The following CCDC171 variants were observed in gnomAD, a reference collection of about 807,000 sequenced individuals.
CCDC171 encodes coiled-coil domain-containing protein 171.
Under a neutral mutation model 168.2 loss-of-function variants are expected in CCDC171, and 177 were observed. That is an observed-to-expected ratio of 1.05 (90% CI 0.93 to 1.19). The LOEUF (loss-of-function observed/expected upper bound fraction) is 1.19. Ranked by LOEUF, CCDC171 falls within the 50% of genes most tolerant of loss-of-function variation. The pLI is 0.00. For missense variants in CCDC171, 1,991 were observed against 1,539.0 expected (o/e 1.29, Z -4.91); for synonymous variants, 687 against 540.8 (o/e 1.27, Z -3.75).
intron 2 of CCDC171, among the ~76,000 whole-genome samples, chr9:15,568,395 G>A (rs868051802): frequency 5.9e-5 from 9 of 151,404 alleles, no homozygotes; most frequent in East Asian, 5.9e-4. Flanking sequence ...CTCAGCCTCC[G>A]GAGTAGCTGG....
intron 21 of CCDC171, among the ~76,000 whole-genome samples, chr9:15,794,464 C>G (rs1437649284): frequency 6.6e-6 from 1 of 150,580 alleles, no homozygotes; most frequent in Non-Finnish European, 1.5e-5. Flanking sequence ...ACTCTGTCCC[C>G]GCCCCCACCC....
At chr9:16,084,803 G>A in the CCDC171 span, among the ~76,000 whole-genome samples, 3 of 152,282 alleles carry the variant, frequency 2.0e-5, no homozygotes, top group East Asian at 5.8e-4. Context: ...TGGAAAAACT[G>A]AGGTGGGAGA....
intron 21 of CCDC171, among the ~76,000 whole-genome samples, chr9:15,805,451 C>G (rs1484988239): frequency 6.6e-6 from 1 of 152,070 alleles, no homozygotes; most frequent in Admixed American, 6.6e-5. Flanking sequence ...TATCTTTGTT[C>G]TCATTAGTTT....
At chr9:16,078,470 A>C in the CCDC171 span, among the ~76,000 whole-genome samples, 1 of 152,198 alleles carries the variant, frequency 6.6e-6, no homozygotes, top group Non-Finnish European at 1.5e-5. Flanking sequence ...GAGCACTTTT[A>C]TGGACATGGC....
intron 24 of CCDC171, among the ~76,000 whole-genome samples, chr9:15,877,491 A>T (rs368372401): frequency 1.1e-3 from 163 of 152,150 alleles, no homozygotes; most frequent in South Asian, 0.011. Flanking sequence ...CAAAAACTTT[A>T]AATAATTTTG....
chr9:16,009,159 A>G (rs1221005057), intron 3 of CCDC171, among the ~76,000 whole-genome samples: 1 of 152,166 alleles, frequency 6.6e-6, no homozygotes, highest in African/African-American at 2.4e-5. Context: ...TCTCTGCTGC[A>G]GAAAATGGAA....
In CCDC171 at chr9:15,826,981, GA is replaced by G. The variant is rs1401089380; in HGVS notation, c.3268-19714del. The stretch of plus-strand genomic sequence containing the variant: ...TTGATCATTCACATTTAAGAATGAA[GA>G]AAAAAATGCTAACTAGGAGCTCTTT... On this transcript the variant is annotated intron_variant, in intron 21 of 25. Coordinates refer to ENST00000380701, the MANE Select transcript of CCDC171 (RefSeq NM_173550.4). 3.9e-5 allele frequency among the ~76,000 whole-genome samples: 6 copies of G among 152,132 alleles called. No homozygotes were observed. In the South Asian group the frequency reaches 1.2e-3, roughly 31 times the overall value.
chr9:15,859,557 C>G (rs1304070596), intron 23 of CCDC171, among the ~76,000 whole-genome samples: 2 of 151,842 alleles, frequency 1.3e-5, no homozygotes, highest in Non-Finnish European at 2.9e-5. Context: ...CTGAGTCAAT[C>G]TCCTTACTAT....
intron 7 of CCDC171, among the ~76,000 whole-genome samples, chr9:15,640,301 G>A (rs1302137108): frequency 6.6e-6 from 1 of 151,878 alleles, no homozygotes; most frequent in African/African-American, 2.4e-5. Flanking sequence ...GGCAGTTCCC[G>A]TGTTCTGAGT....
At chr9:15,893,772 A>G (rs2794645) in intron 24 of CCDC171, among the ~76,000 whole-genome samples, 62,308 of 152,012 alleles carry the variant, frequency 0.41, 12,933 homozygotes, top group Admixed American at 0.44. Flanking sequence ...TTAAAAAGTC[A>G]AAAAACACAG....
chr9:15,955,232 T>C (rs1417429678), intron 25 of CCDC171, among the ~76,000 whole-genome samples: 1 of 152,142 alleles, frequency 6.6e-6, no homozygotes, highest in Non-Finnish European at 1.5e-5. Context: ...TCCTCACATA[T>C]GTAGTTGCTT....
intron 24 of CCDC171, among the ~76,000 whole-genome samples, chr9:15,912,170 C>T (rs1823760473): frequency 6.6e-6 from 1 of 152,144 alleles, no homozygotes; most frequent in Admixed American, 6.5e-5. Flanking sequence ...ATTGATTCTT[C>T]CTATTCATGA....
chr9:16,005,111 A>G (rs1280068993), intron 3 of CCDC171, among the ~76,000 whole-genome samples: 1 of 152,208 alleles, frequency 6.6e-6, no homozygotes, highest in East Asian at 1.9e-4. Context: ...ACCAAAGCCA[A>G]TTTTAGAACT....
chr9:15,731,982 C>A (rs1395627010), intron 16 of CCDC171, among the ~76,000 whole-genome samples: 2 of 151,956 alleles, frequency 1.3e-5, no homozygotes, highest in Non-Finnish European at 2.9e-5. Context: ...ATTGGCTATT[C>A]ACATATCTTC....
At chr9:15,777,464 G>A (rs1373492421) in intron 18 of CCDC171, 136 bp from the exon 19 acceptor site, 18 of 540,726 alleles carry the variant, frequency 3.3e-5, no homozygotes, top group Non-Finnish European at 5.4e-5. Flanking sequence ...ATGTGGGAAG[G>A]ACCTTTTTGA....
chr9:15,644,990 C>A (rs545395607), intron 7 of CCDC171, among the ~76,000 whole-genome samples: 3 of 152,330 alleles, frequency 2.0e-5, no homozygotes, highest in Admixed American at 6.5e-5. Context: ...GGAGGCATCC[C>A]CTAGTAGGGG....
At chr9:15,727,443 C>T (rs1230028481) in intron 14 of CCDC171, among the ~76,000 whole-genome samples, 1 of 152,028 alleles carries the variant, frequency 6.6e-6, no homozygotes, top group Admixed American at 6.6e-5. Context: ...TGTTTTTTGA[C>T]AAGTAGTATC....
chr9:16,003,174 G>C lies in CCDC171; in HGVS notation n.369-17415G>C, dbSNP rs372680190. Among the ~76,000 whole-genome samples, 16 of 152,276 alleles carry C rather than the reference G, an allele frequency of 1.1e-4. No homozygotes were observed. The East Asian group carries it at 1.9e-3, about 18-fold the overall frequency. The stretch of plus-strand genomic sequence containing the variant: ...AACATCCCAACTTCCCACATCCAGA[G>C]TTCTAGTCCTGTCTCTGTCATTACT... On this transcript the variant is annotated intron_variant and non_coding_transcript_variant, in intron 3 of 9. Transcript: ENST00000486641.
chr9:16,088,028 T>C, the CCDC171 span, among the ~76,000 whole-genome samples: 1 of 152,162 alleles, frequency 6.6e-6, no homozygotes, highest in African/African-American at 2.4e-5. Flanking sequence ...TCCACCACGA[T>C]CAACTTGGCT....
Sources: allele counts gnomAD v4.1 joint callset (sites outside exome capture counted in the v4.1 genomes callset), GRCh38; gene constraint gnomAD v4.1.1; transcripts MANE v1.5; gene names NCBI Gene and HGNC (gene_info 2026-07-23, HGNC 2026-07-21).